The following CTNNA3 variants were observed in gnomAD, a reference collection of about 807,000 sequenced individuals.
CTNNA3 encodes catenin alpha-3.
A neutral mutation model predicts 95.7 loss-of-function variants in CTNNA3; 76 were observed. That is an observed-to-expected ratio of 0.79 (90% confidence interval 0.66 to 0.96). The LOEUF (loss-of-function observed/expected upper bound fraction) is 0.96, where lower values mean the gene tolerates loss of function less well. CTNNA3 is among the 40% of genes least tolerant of loss of function. The pLI, the probability that CTNNA3 is intolerant of heterozygous loss-of-function variation, is 0.00. For synonymous variants in CTNNA3, 431 were observed against 374.4 expected, an observed-to-expected ratio of 1.15 and a Z score of -1.74; for missense variants, 1,191 against 1,089.8, an observed-to-expected ratio of 1.09 and a Z score of -1.31.
intron 5 of CTNNA3, among the ~76,000 whole-genome samples, chr10:67,315,887 C>A (rs1468979672): frequency 6.6e-6 from 1 of 152,058 alleles, no homozygotes; most frequent in Non-Finnish European, 1.5e-5. Flanking sequence ...GCTCTACAAG[C>A]CTCTACATAA....
At chr10:66,489,853 C>G (rs1839863607) in intron 11 of CTNNA3, among the ~76,000 whole-genome samples, 1 of 152,294 alleles carries the variant, frequency 6.6e-6, no homozygotes, top group East Asian at 1.9e-4. Context: ...ACTACCATCA[C>G]CTACTGGTCC....
At position 66,154,719 on chromosome 10, in the gene CTNNA3, CAT is replaced by C. The variant is rs569694429; in HGVS notation, c.1885-51472_1885-51471del. On this transcript the variant is annotated intron_variant, in intron 13 of 17. Coordinates refer to ENST00000433211, the MANE Select transcript of CTNNA3 (RefSeq NM_013266.4). Reference sequence around the variant, plus strand: ...TCTCTCTCTACTTTTTGAAAAAGTTCATATATATATATATATATATATTTCCC... The same window carrying C: ...TCTCTCTCTACTTTTTGAAAAAGTTCATATATATATATATATATATTTCCC... 1.5e-3 allele frequency among the ~76,000 whole-genome samples: 111 copies of C among 74,784 alleles called. 4 individuals are homozygous for C. Among genetic ancestry groups the C allele is most frequent in the Middle Eastern group, 9.4e-3 (1 of 106 alleles). 49.1% of individuals were successfully genotyped at this position (74,784 alleles called of 152,430 possible).
upstream of CTNNA3, among the ~76,000 whole-genome samples, chr10:67,700,709 A>C (rs1841030707): frequency 6.6e-6 from 1 of 152,210 alleles, no homozygotes. Flanking sequence ...AACTCTAAAA[A>C]GCAGAGCGCC....
intron 7 of CTNNA3, among the ~76,000 whole-genome samples, chr10:66,896,033 G>T (rs956008381): frequency 9.2e-5 from 14 of 152,054 alleles, no homozygotes; most frequent in African/African-American, 2.7e-4. Flanking sequence ...GGAGGTGGAG[G>T]TTGTGGTGAG....
intron 7 of CTNNA3, among the ~76,000 whole-genome samples, chr10:67,040,540 C>G (rs1267156079): frequency 1.3e-5 from 2 of 152,056 alleles, no homozygotes; most frequent in African/African-American, 4.8e-5. Context: ...TACCCACTCT[C>G]CCTTAGTTCT....
chr10:67,322,321 C>T (rs888649655), intron 5 of CTNNA3, among the ~76,000 whole-genome samples: 2 of 152,044 alleles, frequency 1.3e-5, no homozygotes, highest in Admixed American at 1.3e-4. Context: ...TATTTCATCA[C>T]CCAGGTATTA....
At chr10:66,074,463 C>T (rs1430955317) in intron 14 of CTNNA3, among the ~76,000 whole-genome samples, 2 of 151,844 alleles carry the variant, frequency 1.3e-5, no homozygotes, top group Non-Finnish European at 2.9e-5. Flanking sequence ...TCCTTCAACA[C>T]ACTGTACCCT....
At chr10:66,538,941 C>T (rs994162258) in intron 10 of CTNNA3, among the ~76,000 whole-genome samples, 1 of 152,138 alleles carries the variant, frequency 6.6e-6, no homozygotes, top group African/African-American at 2.4e-5. Flanking sequence ...TTATCAGTAT[C>T]ATTTGTTCAC....
At chr10:67,494,563 T>C (rs1838965296) in intron 5 of CTNNA3, among the ~76,000 whole-genome samples, 1 of 152,144 alleles carries the variant, frequency 6.6e-6, no homozygotes, top group Non-Finnish European at 1.5e-5. Context: ...CTTTTTAAAT[T>C]TTGAATGTGT....
At chr10:66,814,112 G>A (rs373076560) in intron 7 of CTNNA3, among the ~76,000 whole-genome samples, 24 of 152,212 alleles carry the variant, frequency 1.6e-4, no homozygotes, top group African/African-American at 5.3e-4. Context: ...GGATGATGGT[G>A]CCATTGAGGC....
At chr10:66,186,545 C>G (rs1389172774) in intron 13 of CTNNA3, among the ~76,000 whole-genome samples, 2 of 152,042 alleles carry the variant, frequency 1.3e-5, no homozygotes, top group Non-Finnish European at 2.9e-5. Flanking sequence ...TCTGCATTAT[C>G]ATAAGATATA....
At chr10:66,963,560 T>C (rs1169518004) in intron 7 of CTNNA3, among the ~76,000 whole-genome samples, 1 of 152,156 alleles carries the variant, frequency 6.6e-6, no homozygotes, top group Non-Finnish European at 1.5e-5. Context: ...TCAGATGAAC[T>C]GATCACCTGC....
intron 2 of CTNNA3, among the ~76,000 whole-genome samples, chr10:67,646,997 A>G (rs909420529): frequency 3.3e-5 from 5 of 151,974 alleles, no homozygotes; most frequent in Non-Finnish European, 5.9e-5. Context: ...TTGGCAAATG[A>G]GATGCCATGT....
intron 13 of CTNNA3, among the ~76,000 whole-genome samples, chr10:66,238,578 A>G (rs17247353): frequency 0.1 from 15,328 of 151,918 alleles, 835 homozygotes; most frequent in Middle Eastern, 0.17. Flanking sequence ...TAACTTAGAG[A>G]GCAATAATGA....
chr10:67,382,605 A>G (rs1843990022), intron 5 of CTNNA3, among the ~76,000 whole-genome samples: 1 of 152,202 alleles, frequency 6.6e-6, no homozygotes, highest in Admixed American at 6.5e-5. Flanking sequence ...GTTTCTTACT[A>G]TACATACATT....
chr10:67,473,268 C>T (rs1589328163), intron 5 of CTNNA3, among the ~76,000 whole-genome samples: 1 of 152,070 alleles, frequency 6.6e-6, no homozygotes, highest in South Asian at 2.1e-4. Flanking sequence ...TTCAAAGATT[C>T]CCAGGAGCTT....
At chr10:67,337,646 TA>T (rs1450663882) in intron 5 of CTNNA3, among the ~76,000 whole-genome samples, 1 of 152,144 alleles carries the variant, frequency 6.6e-6, no homozygotes, top group Admixed American at 6.5e-5. Flanking sequence ...AGCCAATTAA[TA>T]GGTCTAACTT....
intron 17 of CTNNA3, among the ~76,000 whole-genome samples, chr10:65,941,099 C>A (rs943445342): frequency 6.6e-6 from 1 of 152,160 alleles, no homozygotes; most frequent in African/African-American, 2.4e-5. Context: ...AGTTCAAATG[C>A]ACAGTAAGCA....
chr10:67,749,331 C>A (rs1350344628), intron 1 of CTNNA3, among the ~76,000 whole-genome samples: 1 of 152,182 alleles, frequency 6.6e-6, no homozygotes, highest in Admixed American at 6.5e-5. Context: ...ATCTACAGAA[C>A]TCTCCATCCA....
Sources: gnomAD v4.1 joint callset for allele counts (sites outside exome capture counted in the v4.1 genomes callset) on GRCh38, gnomAD v4.1.1 for gene constraint, MANE v1.5 for transcripts, NCBI Gene and HGNC (gene_info 2026-07-23, HGNC 2026-07-21) for gene names.